Variants in GRIN3A observed in about 807,000 individuals in gnomAD.
GRIN3A encodes the protein glutamate receptor ionotropic, NMDA 3A.
A neutral mutation model predicts 92.4 loss-of-function variants in GRIN3A; 47 were observed. That is an observed-to-expected ratio of 0.51 (90% CI 0.40 to 0.65). GRIN3A has a LOEUF of 0.65. GRIN3A is among the 30% of genes least tolerant of loss of function. GRIN3A has a pLI of 0.00. For synonymous variants in GRIN3A, 527 were observed against 540.6 expected (o/e 0.97, Z 0.35); for missense variants, 1,324 against 1,393.1 (o/e 0.95, Z 0.79).
At chr9:101,577,619 A>G in intron 8 of GRIN3A, 149 bp downstream of exon 8, 1 of 689,048 alleles carries the variant, frequency 1.5e-6, no homozygotes, top group East Asian at 2.7e-5. Context: ...TTTAGTGTCC[A>G]TATACATTTT....
At chr9:101,644,467 A>AT (rs1828908980) in intron 3 of GRIN3A, among the ~76,000 whole-genome samples, 2 of 151,600 alleles carry the variant, frequency 1.3e-5, no homozygotes, top group African/African-American at 4.8e-5. Flanking sequence ...ACTCAAAAAA[A>AT]AAAAAAAAAA....
intron 3 of GRIN3A, among the ~76,000 whole-genome samples, chr9:101,653,367 G>A (rs1487225218): frequency 1.3e-5 from 2 of 151,752 alleles, no homozygotes; most frequent in Non-Finnish European, 2.9e-5. Flanking sequence ...AATTTATGAT[G>A]AACTCTAAAG....
chr9:101,735,511 C>A (rs1418708230), intron 1 of GRIN3A, among the ~76,000 whole-genome samples: 1 of 151,774 alleles, frequency 6.6e-6, no homozygotes, highest in African/African-American at 2.4e-5. Context: ...CGTTCTAGAA[C>A]ACAACTTCCC....
At chr9:101,612,032 G>A (rs571706483) in intron 6 of GRIN3A, among the ~76,000 whole-genome samples, 1 of 152,326 alleles carries the variant, frequency 6.6e-6, no homozygotes, top group South Asian at 2.1e-4. Context: ...GGCATTGTGG[G>A]CTATGCCAAT....
chr9:101,688,101 T>C, intron 1 of GRIN3A, among the ~76,000 whole-genome samples: 1 of 152,240 alleles, frequency 6.6e-6, no homozygotes, highest in Non-Finnish European at 1.5e-5. Flanking sequence ...GAATTAACTA[T>C]GTTTATTATG....
intron 6 of GRIN3A, among the ~76,000 whole-genome samples, chr9:101,590,085 G>A (rs562915821): frequency 1.2e-4 from 18 of 152,248 alleles, no homozygotes; most frequent in South Asian, 4.1e-4. Context: ...TGTAAAACCA[G>A]TAACAACGAA....
intron 1 of GRIN3A, among the ~76,000 whole-genome samples, chr9:101,718,592 G>T (rs1197846517): frequency 1.3e-5 from 2 of 152,174 alleles, no homozygotes; most frequent in Non-Finnish European, 2.9e-5. Flanking sequence ...GTTACTGTTT[G>T]GCAGAGTGTA....
At chr9:101,630,786 C>G (rs1330614290) in intron 3 of GRIN3A, among the ~76,000 whole-genome samples, 1 of 152,216 alleles carries the variant, frequency 6.6e-6, no homozygotes, top group Non-Finnish European at 1.5e-5. Context: ...CTTCTCACAA[C>G]TAGGAATTAA....
intron 3 of GRIN3A, among the ~76,000 whole-genome samples, chr9:101,642,046 T>C (rs1420724631): frequency 6.6e-6 from 1 of 152,154 alleles, no homozygotes. Flanking sequence ...AGAGCAAAGC[T>C]AGAGGCATCA....
At chr9:101,674,236 T>C (rs1829364179) in intron 2 of GRIN3A, among the ~76,000 whole-genome samples, 1 of 152,070 alleles carries the variant, frequency 6.6e-6, no homozygotes, top group Non-Finnish European at 1.5e-5. Flanking sequence ...GGGGGAGTCA[T>C]GATCATTCGA....
chr9:101,695,081 T>A (rs1829668155), intron 1 of GRIN3A, among the ~76,000 whole-genome samples: 2 of 152,228 alleles, frequency 1.3e-5, no homozygotes, highest in Admixed American at 6.5e-5. Flanking sequence ...GTTTACCTTA[T>A]AACTTTTGTA....
chr9:101,622,884 A>G (rs1486786453), intron 5 of GRIN3A, among the ~76,000 whole-genome samples: 2 of 152,002 alleles, frequency 1.3e-5, no homozygotes, highest in Non-Finnish European at 2.9e-5. Context: ...TTTGGCTGTT[A>G]GAAAATACAG....
At chr9:101,704,104 A>C (rs940898897) in intron 1 of GRIN3A, among the ~76,000 whole-genome samples, 4 of 152,232 alleles carry the variant, frequency 2.6e-5, no homozygotes, top group Admixed American at 6.5e-5. Context: ...ATATCCAAGC[A>C]GCTTGCTGCT....
rs144792352 is a variant in GRIN3A at position 101,703,816 on chromosome 9, G to A, written c.700-16616C>T. Among the ~76,000 whole-genome samples, 34 of 152,112 alleles carry A rather than the reference G, an allele frequency of 2.2e-4. No individual in the cohort carries two copies. The East Asian group carries it at 4.5e-3, about 20-fold the overall frequency. Reference sequence around the variant, plus strand: ...TTACTCTGGGGTTTATTATTAATTCGTTTTGGCTGACCTGTAGAAATCTGT... The same window carrying A: ...TTACTCTGGGGTTTATTATTAATTCATTTTGGCTGACCTGTAGAAATCTGT... On this transcript the variant is annotated intron_variant, in intron 1 of 8. Transcript: ENST00000361820.
intron 3 of GRIN3A, among the ~76,000 whole-genome samples, chr9:101,641,741 T>A (rs1331947913): frequency 6.6e-6 from 1 of 151,280 alleles, no homozygotes; most frequent in Non-Finnish European, 1.5e-5. Flanking sequence ...GTAACAAACC[T>A]GCACATTGTG....
intron 6 of GRIN3A, chr9:101,595,019 G>A: frequency 2.1e-6 from 3 of 1,450,590 alleles, no homozygotes; most frequent in South Asian, 2.6e-5. Context: ...TGGGCCATGG[G>A]GTGGGGGTAG....
intron 3 of GRIN3A, among the ~76,000 whole-genome samples, chr9:101,666,185 C>T (rs1368286606): frequency 6.6e-6 from 1 of 151,876 alleles, no homozygotes; most frequent in Admixed American, 6.6e-5. Context: ...TCACCTTCTC[C>T]CCTGGGGATC....
At chr9:101,689,686 C>T (rs896988583) in intron 1 of GRIN3A, among the ~76,000 whole-genome samples, 2 of 151,782 alleles carry the variant, frequency 1.3e-5, no homozygotes, top group African/African-American at 2.4e-5. Flanking sequence ...CAATTTCTCC[C>T]CATATAAGGA....
At chr9:101,609,086 C>G (rs186044186) in intron 6 of GRIN3A, among the ~76,000 whole-genome samples, 6 of 152,294 alleles carry the variant, frequency 3.9e-5, no homozygotes, top group Admixed American at 6.5e-5. Context: ...CTTCACGCTT[C>G]GTGATTTGAC....
Sources: allele counts gnomAD v4.1 joint callset (sites outside exome capture counted in the v4.1 genomes callset), GRCh38; gene constraint gnomAD v4.1.1; transcripts MANE v1.5; gene names NCBI Gene and HGNC (gene_info 2026-07-23, HGNC 2026-07-21).